UNC5D: variants seen among roughly 807,000 people sequenced by gnomAD.
UNC5D encodes netrin receptor UNC5D.
UNC5D carries 39 observed loss-of-function variants against 105.4 expected under a neutral mutation model. That is an observed-to-expected ratio of 0.37 (90% CI 0.29 to 0.48). The LOEUF (loss-of-function observed/expected upper bound fraction) is 0.48, where lower values mean the gene tolerates loss of function less well. Ranked by LOEUF, UNC5D falls within the 20% of genes least tolerant of loss-of-function variation. The pLI is 0.98. For synonymous variants in UNC5D, 452 were observed against 450.4 expected (o/e 1.00, Z -0.04); for missense variants, 991 against 1,202.4 (o/e 0.82, Z 2.60).
At chr8:35,787,866 C>T (rs1328789560) in intron 16 of UNC5D, among the ~76,000 whole-genome samples, 1 of 152,076 alleles carries the variant, frequency 6.6e-6, no homozygotes. Flanking sequence ...GTGATCCTCC[C>T]GCCTGGGCCA....
chr8:35,507,899 T>C (rs547543092), intron 1 of UNC5D, among the ~76,000 whole-genome samples: 1 of 152,086 alleles, frequency 6.6e-6, no homozygotes, highest in South Asian at 2.1e-4. Context: ...CTATATGCCA[T>C]AAAAATTAAA....
At chr8:35,568,022 T>C in intron 2 of UNC5D, 76 bp from the exon 3 acceptor site, 1 of 1,558,088 alleles carries the variant, frequency 6.4e-7, no homozygotes, top group Non-Finnish European at 8.7e-7. Flanking sequence ...AAAGAAAAGG[T>C]TTGGCTAACC....
At chr8:35,444,044 A>G (rs181554981) in intron 1 of UNC5D, among the ~76,000 whole-genome samples, 278 of 152,170 alleles carry the variant, frequency 1.8e-3, no homozygotes, top group Middle Eastern at 3.4e-3. Context: ...TTATAACACA[A>G]GAATTTGATT....
intron 1 of UNC5D, among the ~76,000 whole-genome samples, chr8:35,425,994 T>C (rs974044273): frequency 6.6e-5 from 10 of 152,156 alleles, no homozygotes; most frequent in African/African-American, 2.4e-4. Flanking sequence ...ACCCTCCATG[T>C]AACGCCATGA....
intron 1 of UNC5D, among the ~76,000 whole-genome samples, chr8:35,386,858 T>C (rs1363092312): frequency 6.6e-6 from 1 of 152,240 alleles, no homozygotes; most frequent in Non-Finnish European, 1.5e-5. Flanking sequence ...GGGCTTACTT[T>C]GCTTTTTTTA....
At position 35,605,044 on chromosome 8, in the gene UNC5D, C is replaced by T. The variant is rs1003054518; in HGVS notation, c.570+9387C>T. On this transcript the variant is annotated intron_variant, in intron 4 of 16. Coordinates refer to ENST00000404895, the MANE Select transcript of UNC5D (RefSeq NM_080872.4). ...CTTCTGAGGCCTTCCTCTCTCAACT[C>T]GTTAAAGTCATTCTCCGTCCAGCTT... 9.2e-5 allele frequency among the ~76,000 whole-genome samples: 14 copies of T among 152,188 alleles called. 1 individual carries two copies. The highest frequency in any genetic ancestry group is 3.1e-4 in the African/African-American group (13 of 41,448).
chr8:35,581,290 G>A (rs527642028), intron 3 of UNC5D, among the ~76,000 whole-genome samples: 65 of 151,984 alleles, frequency 4.3e-4, no homozygotes, highest in African/African-American at 1.3e-3. Flanking sequence ...TTCGCTCCAG[G>A]GCTTTGTTTG....
intron 1 of UNC5D, among the ~76,000 whole-genome samples, chr8:35,280,472 A>G (rs1806070491): frequency 6.6e-6 from 1 of 152,148 alleles, no homozygotes; most frequent in African/African-American, 2.4e-5. Flanking sequence ...TTATTTCTGC[A>G]TTGGAATTGA....
intron 1 of UNC5D, among the ~76,000 whole-genome samples, chr8:35,266,554 A>G (rs1804886380): frequency 6.6e-6 from 1 of 152,186 alleles, no homozygotes; most frequent in Non-Finnish European, 1.5e-5. Context: ...TAACTATTGT[A>G]TGGGAAACCA....
chr8:35,774,559 T>C, intron 16 of UNC5D, 82 bp downstream of exon 16: 1 of 1,511,418 alleles, frequency 6.6e-7, no homozygotes, highest in Non-Finnish European at 8.9e-7. Context: ...CCATGTAGTT[T>C]CTGAGCCCTA....
chr8:35,632,533 A>C (rs1702254223), intron 4 of UNC5D, among the ~76,000 whole-genome samples: 1 of 152,246 alleles, frequency 6.6e-6, no homozygotes, highest in African/African-American at 2.4e-5. Flanking sequence ...AAGGAATAAA[A>C]GAACATTCAA....
rs562642430 is a variant in UNC5D at position 35,439,292 on chromosome 8, ACTT to A, written c.104-109993_104-109991del. On this transcript the variant is annotated intron_variant, in intron 1 of 16. Coordinates refer to ENST00000404895, the MANE Select transcript of UNC5D (RefSeq NM_080872.4). Reference sequence around the variant, plus strand: ...TGTTAGGAAAAATAACATGAGAGTAACTTCTTCTTAATTTTCAGGAAACCTAAA... The same window carrying A: ...TGTTAGGAAAAATAACATGAGAGTAACTTCTTAATTTTCAGGAAACCTAAA... Among the ~76,000 whole-genome samples, 504 of 152,056 alleles carry A rather than the reference ACTT, an allele frequency of 3.3e-3. 1 individual carries two copies. The highest frequency in any genetic ancestry group is 5.2e-3 in the Non-Finnish European group (353 of 67,942).
rs1318956751 is a variant in UNC5D, at chr8:35,512,545, A to G, written c.104-36747A>G. ...TATATATTCAGATATGTATGTATAT[A>G]TATATATATATATATATATATATAT... On this transcript the variant is annotated intron_variant, in intron 1 of 16. Coordinates refer to ENST00000404895, the MANE Select transcript of UNC5D (RefSeq NM_080872.4). Among the ~76,000 whole-genome samples the G allele has an allele frequency of 2.0e-4, 15 of 74,860 alleles. 2 individuals carry two copies. Among genetic ancestry groups the G allele is most frequent in the African/African-American group, 8.7e-4 (11 of 12,662 alleles). The allele number at this position is 74,860 out of a possible 152,430, so 49.1% of individuals were successfully genotyped here.
intron 4 of UNC5D, among the ~76,000 whole-genome samples, chr8:35,601,697 G>T (rs2130929107): frequency 6.6e-6 from 1 of 152,250 alleles, no homozygotes; most frequent in African/African-American, 2.4e-5. Flanking sequence ...AGGAGATTTT[G>T]GGCTGAGACG....
At chr8:35,553,734 G>A (rs1211925373) in intron 2 of UNC5D, among the ~76,000 whole-genome samples, 1 of 152,118 alleles carries the variant, frequency 6.6e-6, no homozygotes, top group African/African-American at 2.4e-5. Context: ...TGCAATTTAG[G>A]GTGGAAACAA....
At chr8:35,494,805 G>T (rs756174902) in intron 1 of UNC5D, among the ~76,000 whole-genome samples, 1 of 152,062 alleles carries the variant, frequency 6.6e-6, no homozygotes, top group Non-Finnish European at 1.5e-5. Context: ...CTTTCCAATA[G>T]TATTTTAATT....
At chr8:35,364,277 A>T (rs1801999014) in intron 1 of UNC5D, among the ~76,000 whole-genome samples, 2 of 152,024 alleles carry the variant, frequency 1.3e-5, no homozygotes, top group South Asian at 4.1e-4. Context: ...TCTTTATATT[A>T]GCATGAGCTC....
At chr8:35,366,840 A>G (rs1483783186) in intron 1 of UNC5D, among the ~76,000 whole-genome samples, 1 of 152,204 alleles carries the variant, frequency 6.6e-6, no homozygotes, top group South Asian at 2.1e-4. Context: ...TCTTTGTCAC[A>G]TGGTAGACAG....
chr8:35,718,010 T>A (rs534202494), intron 8 of UNC5D, among the ~76,000 whole-genome samples: 63 of 152,298 alleles, frequency 4.1e-4, no homozygotes, highest in African/African-American at 1.4e-3. Flanking sequence ...CTTCCAGCCA[T>A]GAGCACATTC....
Sources: allele counts gnomAD v4.1 joint callset (sites outside exome capture counted in the v4.1 genomes callset), GRCh38; gene constraint gnomAD v4.1.1; transcripts MANE v1.5; gene names NCBI Gene and HGNC (gene_info 2026-07-23, HGNC 2026-07-21).